DCAF8L2: variants seen among roughly 807,000 people sequenced by gnomAD.
The protein encoded by DCAF8L2 is DDB1 and CUL4 associated factor 8 like 2, also known as DDB1- and CUL4-associated factor 8-like protein 2.
For synonymous variants in DCAF8L2, 200 were observed against 190.9 expected (o/e 1.05, Z -0.39); for missense variants, 430 against 490.7 (o/e 0.88, Z 1.17).
At chrX:27,469,388 T>C in the DCAF8L2 span, among the ~76,000 whole-genome samples, 1 of 112,209 alleles carries the variant, frequency 8.9e-6, no homozygotes, top group Non-Finnish European at 1.9e-5. Context: ...GTTGTATAAG[T>C]ACTAGTAATG....
chrX:27,499,387 A>G, the DCAF8L2 span, among the ~76,000 whole-genome samples: 1 of 111,590 alleles, frequency 9.0e-6, no homozygotes, highest in African/African-American at 3.3e-5. Flanking sequence ...AAAGATGACT[A>G]CTCAGGTCTT....
At chrX:27,733,461 A>T (rs1921343128) in intron 4 of DCAF8L2, among the ~76,000 whole-genome samples, 3 of 111,600 alleles carry the variant, frequency 2.7e-5, no homozygotes, top group Admixed American at 9.6e-5. Context: ...GTTTGCAAAT[A>T]TTTTCTCTTA....
chrX:27,571,816 A>AC, the DCAF8L2 span, among the ~76,000 whole-genome samples: 1 of 111,229 alleles, frequency 9.0e-6, no homozygotes, highest in Non-Finnish European at 1.9e-5. Context: ...ATGGAGAGAG[A>AC]CCCAGCTGAG....
intron 1 of DCAF8L2, among the ~76,000 whole-genome samples, chrX:27,592,377 T>C (rs1181739312): frequency 4.5e-5 from 5 of 109,981 alleles, no homozygotes; most frequent in Non-Finnish European, 1.9e-5. Flanking sequence ...CCCCAGGAGG[T>C]AGGTGTGCAG....
Position 27,696,268 on chromosome X carries a change from G to GAGAGAGAA in DCAF8L2, c.-143+18359_-143+18360insGAGAAAGA, listed in dbSNP as rs1199823523. Among the ~76,000 whole-genome samples, 71 of 74,848 alleles carry GAGAGAGAA rather than the reference G, an allele frequency of 9.5e-4. 1 individual carries two copies. The highest frequency in any genetic ancestry group is 2.6e-3 in the South Asian group (3 of 1,145). The allele number at this position is 74,848 out of a possible 115,157, so 65.0% of individuals were successfully genotyped here. A position where few individuals can be genotyped will look rare whatever the true frequency, so the allele number is the denominator to read the frequency against. ...AAGAAGGAAGGAAGGAAGAGAGAGA[G>GAGAGAGAA]AGAAAGAAAGAAAGAAAGAAAGAAA... is the stretch of plus-strand genomic sequence containing the variant. On this transcript the variant is annotated intron_variant, in intron 3 of 4. Transcript: ENST00000451261.
chrX:27,526,657 T>C, the DCAF8L2 span, among the ~76,000 whole-genome samples: 6 of 112,466 alleles, frequency 5.3e-5, no homozygotes, highest in Admixed American at 1.9e-4. Flanking sequence ...TTTGTGGTTT[T>C]ATCTACCTTT....
intron 1 of DCAF8L2, among the ~76,000 whole-genome samples, chrX:27,620,420 A>C (rs1002739876): frequency 2.7e-5 from 3 of 111,901 alleles, no homozygotes; most frequent in Admixed American, 9.5e-5. Context: ...AAACAACATC[A>C]ACAGAGTAAA....
rs772304572 is a variant in DCAF8L2, at chrX:27,607,504, C to T, written c.-342+17064C>T. 3.6e-5 allele frequency among the ~76,000 whole-genome samples: 4 copies of T among 111,318 alleles called. No individual in the cohort carries two copies. The South Asian group carries it at 1.5e-3, about 43-fold the overall frequency. ...TTATTTTTCATAGAGTCTTCTAAGACGGGCTGAGTCTCTTAAACAAGATCT... is the reference window on the plus strand; with the variant it reads ...TTATTTTTCATAGAGTCTTCTAAGATGGGCTGAGTCTCTTAAACAAGATCT... On this transcript the variant is annotated intron_variant, in intron 1 of 4. Transcript: ENST00000451261.
At chrX:27,480,011 T>C in the DCAF8L2 span, among the ~76,000 whole-genome samples, 1 of 112,494 alleles carries the variant, frequency 8.9e-6, no homozygotes, top group Admixed American at 9.4e-5. Context: ...TGACTTTTCA[T>C]GTGACACTAA....
At chrX:27,685,245 C>G (rs966736846) in intron 3 of DCAF8L2, among the ~76,000 whole-genome samples, 24 of 111,785 alleles carry the variant, frequency 2.1e-4, no homozygotes, top group African/African-American at 7.5e-4. Context: ...ATTTAAGTGA[C>G]AAAGAAGTTT....
At chrX:27,684,218 A>G (rs1444001879) in intron 3 of DCAF8L2, among the ~76,000 whole-genome samples, 4 of 111,706 alleles carry the variant, frequency 3.6e-5, no homozygotes, top group Non-Finnish European at 5.6e-5. Flanking sequence ...GACAGCAAAC[A>G]TGACCACAGG....
intron 1 of DCAF8L2, among the ~76,000 whole-genome samples, chrX:27,615,290 C>T (rs1927406930): frequency 1.8e-5 from 2 of 111,697 alleles, no homozygotes; most frequent in East Asian, 5.6e-4. Flanking sequence ...TAAAAAGTCA[C>T]ACTTCTTTTG....
rs745413376 is a variant in DCAF8L2 at position 27,748,707 on chromosome X, A to G, written c.1812A>G (p.Pro604=). ...QDWRSGEAEF[P]DEESDESSST... is the part of the protein sequence containing the mutation. ...GGAGAAGTGGTGAAGCTGAATTTCC[A>G]GATGAAGAATCGGATGAGTCTTCCA... Residue 604 remains proline (P), a synonymous_variant, in exon 5 of 5, where the codon CCA becomes CCG. Coordinates refer to ENST00000451261, the MANE Select transcript of DCAF8L2 (RefSeq NM_001353450.2). 1 of 1,198,043 alleles carries G rather than the reference A, an allele frequency of 8.3e-7. No individual in the cohort carries two copies.
intron 1 of DCAF8L2, among the ~76,000 whole-genome samples, chrX:27,617,118 A>G (rs1437000245): frequency 1.8e-5 from 2 of 111,510 alleles, no homozygotes; most frequent in Non-Finnish European, 3.8e-5. Context: ...TAACTCATCA[A>G]AATAACAAGC....
the DCAF8L2 span, among the ~76,000 whole-genome samples, chrX:27,496,644 A>G: frequency 9.0e-6 from 1 of 111,661 alleles, no homozygotes; most frequent in East Asian, 2.8e-4. Context: ...AATTTGAAAG[A>G]CACCCCCATC....
chrX:27,497,545 C>CTTCCTTCCTTCT, the DCAF8L2 span, among the ~76,000 whole-genome samples: 1 of 76,984 alleles, frequency 1.3e-5, no homozygotes, highest in Non-Finnish European at 2.3e-5. Context: ...TCCTTCCTTC[C>CTTCCTTCCTTCT]TTCCTTCTTT....
chrX:27,688,864 AT>A (rs1328136719), intron 3 of DCAF8L2, among the ~76,000 whole-genome samples: 1 of 111,308 alleles, frequency 9.0e-6, no homozygotes, highest in Non-Finnish European at 1.9e-5. Flanking sequence ...TTCATTTGCT[AT>A]TTTTTTAATC....
chrX:27,583,791 C>T, the DCAF8L2 span, among the ~76,000 whole-genome samples: 1 of 111,799 alleles, frequency 8.9e-6, no homozygotes, highest in Non-Finnish European at 1.9e-5. Context: ...CCACCTTGCT[C>T]CAGTCCATGG....
chrX:27,723,864 G>A (rs762590028), intron 4 of DCAF8L2, among the ~76,000 whole-genome samples: 2 of 110,660 alleles, frequency 1.8e-5, no homozygotes, highest in Admixed American at 9.7e-5. Flanking sequence ...CTACATAATA[G>A]AATATTATGC....
Sources: gnomAD v4.1 joint callset for allele counts (sites outside exome capture counted in the v4.1 genomes callset) on GRCh38, gnomAD v4.1.1 for gene constraint, MANE v1.5 for transcripts, NCBI Gene and HGNC (gene_info 2026-07-23, HGNC 2026-07-21) for gene names.